CLIP4: variants seen among roughly 807,000 people sequenced by gnomAD.
CLIP4 encodes the protein CAP-Gly domain-containing linker protein 4.
Under a neutral mutation model 73.1 loss-of-function variants are expected in CLIP4, and 47 were observed. The observed-to-expected ratio is 0.64, with a 90% CI of 0.51 to 0.82. CLIP4 has a LOEUF of 0.82. CLIP4 is among the 40% of genes least tolerant of loss of function. The pLI is 0.00. For synonymous variants in CLIP4, 306 were observed against 295.4 expected, an observed-to-expected ratio of 1.04 and a Z score of -0.37; for missense variants, 874 against 852.9, an observed-to-expected ratio of 1.02 and a Z score of -0.31.
intron 1 of CLIP4, among the ~76,000 whole-genome samples, chr2:29,110,354 G>A (rs2148441549): frequency 6.6e-6 from 1 of 152,340 alleles, no homozygotes; most frequent in South Asian, 2.1e-4. Flanking sequence ...GGGGTCTCCA[G>A]TGGCTACTGA....
chr2:29,149,464 T>C (rs1404835941), intron 8 of CLIP4, among the ~76,000 whole-genome samples: 1 of 151,658 alleles, frequency 6.6e-6, no homozygotes, highest in Admixed American at 6.6e-5. Flanking sequence ...ACCGATATTT[T>C]AGTGGGGGTT....
chr2:29,180,985 TGAGTGCAGGGGTTAG>T (rs1668613270), intron 15 of CLIP4, among the ~76,000 whole-genome samples: 1 of 152,070 alleles, frequency 6.6e-6, no homozygotes, highest in South Asian at 2.1e-4. Flanking sequence ...CTTTGAGTAA[TGAGTGCAGGGGTTAG>T]GAGTGCCATC....
rs987394703 is a variant in CLIP4 at position 29,180,434 on chromosome 2, C to T, written c.1797-1138C>T. ...GAGTGCTAGGAGACGTTCTTGCACA[C>T]TGTAAGGAATGTTATGTTGTAGGGA... On this transcript the variant is annotated intron_variant, in intron 15 of 15. Transcript: ENST00000320081. Among the ~76,000 whole-genome samples, 4 of 152,112 alleles carry T rather than the reference C, an allele frequency of 2.6e-5. No individual in the cohort carries two copies. The East Asian group carries it at 7.7e-4, about 29-fold the overall frequency.
chr2:29,155,215 T>C (rs1300994068), intron 9 of CLIP4, among the ~76,000 whole-genome samples: 2 of 152,200 alleles, frequency 1.3e-5, no homozygotes, highest in Non-Finnish European at 2.9e-5. Context: ...GGAGGATCAC[T>C]TGAGTCCAGG....
At position 29,131,224 on chromosome 2, in the gene CLIP4, T is replaced by C. The variant is rs765499141; in HGVS notation, c.134-34T>C. The C allele has an allele frequency of 4.0e-6, 6 of 1,493,494 alleles. No homozygotes were observed. In the Admixed American group the frequency reaches 1.1e-4, roughly 28 times the overall value. 92.5% of individuals were successfully genotyped at this position (1,493,494 alleles called of 1,614,324 possible). On this transcript the variant is annotated intron_variant, in intron 2 of 15. Coordinates refer to ENST00000320081, the MANE Select transcript of CLIP4 (RefSeq NM_024692.6). The stretch of plus-strand genomic sequence containing the variant: ...TTTCAATATATTTATTTGAAACTTT[T>C]AGTAAATTTAATTTGCATCTTTTTT...
intron 13 of CLIP4, among the ~76,000 whole-genome samples, chr2:29,164,481 T>C (rs1667479827): frequency 6.6e-6 from 1 of 152,210 alleles, no homozygotes; most frequent in African/African-American, 2.4e-5. Context: ...CTTCTTAAGA[T>C]AGTATCTTTC....
rs34819898 is a variant in CLIP4 at position 29,106,056 on chromosome 2, C to CTTTTTTT, written c.-16+8117_-16+8123dup. Among the ~76,000 whole-genome samples the CTTTTTTT allele has an allele frequency of 2.1e-4, 31 of 144,966 alleles. No individual in the cohort carries two copies. In the South Asian group the frequency reaches 3.3e-3, roughly 15 times the overall value. ...AAGGTATCATGGTTTAGCATTTAAT[C>CTTTTTTT]TTTTTTTTTTTTTTGAGACAGCATT... On this transcript the variant is annotated intron_variant, in intron 1 of 14. Coordinates refer to the CLIP4 transcript ENST00000401605.
chr2:29,174,468 A>G, intron 15 of CLIP4, 23 bp downstream of exon 15: 1 of 1,603,362 alleles, frequency 6.2e-7, no homozygotes, highest in Non-Finnish European at 8.5e-7. Context: ...AAGATTTAGA[A>G]AAACACCTTT....
intron 6 of CLIP4, among the ~76,000 whole-genome samples, chr2:29,136,186 TTG>T: frequency 8.0e-6 from 1 of 124,976 alleles, no homozygotes. Context: ...TTTGTTGTTG[TTG>T]TTTTTTTTTT....
chr2:29,160,590 A>G (rs1667222954), intron 12 of CLIP4, 123 bp downstream of exon 12: 5 of 1,052,084 alleles, frequency 4.8e-6, no homozygotes, highest in East Asian at 2.6e-5. Flanking sequence ...GATGGCAGCT[A>G]TAGTACAGAA....
chr2:29,174,992 C>T (rs2148108272), intron 15 of CLIP4, among the ~76,000 whole-genome samples: 1 of 152,220 alleles, frequency 6.6e-6, no homozygotes, highest in Admixed American at 6.5e-5. Context: ...AGCATTTTCA[C>T]TTTAGAGCAA....
intron 13 of CLIP4, among the ~76,000 whole-genome samples, chr2:29,166,345 T>A (rs1169230335): frequency 2.0e-5 from 3 of 152,128 alleles, no homozygotes; most frequent in East Asian, 3.9e-4. Flanking sequence ...TTGTAAAATG[T>A]GCTTCCTATC....
upstream of CLIP4, among the ~76,000 whole-genome samples, chr2:29,114,538 G>A (rs1668472339): frequency 6.6e-6 from 1 of 152,202 alleles, no homozygotes; most frequent in Non-Finnish European, 1.5e-5. Context: ...TGTTAGTGGA[G>A]GTGTTCAACC....
At chr2:29,107,363 T>TTTTTTG (rs1668245277) in intron 1 of CLIP4, among the ~76,000 whole-genome samples, 1 of 79,396 alleles carries the variant, frequency 1.3e-5, no homozygotes, top group East Asian at 3.5e-4. Flanking sequence ...TGATAGTTTT[T>TTTTTTG]TTTTTTTTTT....
intron 1 of CLIP4, among the ~76,000 whole-genome samples, chr2:29,118,740 G>C (rs189071999): frequency 2.0e-5 from 3 of 152,066 alleles, no homozygotes; most frequent in East Asian, 1.9e-4. Context: ...GGCTGGTCTC[G>C]AATGCCTGAC....
chr2:29,167,675 C>T, intron 14 of CLIP4, 135 bp downstream of exon 14: 1 of 552,382 alleles, frequency 1.8e-6, no homozygotes, highest in Non-Finnish European at 3.0e-6. Context: ...ATAGAACAAA[C>T]ATCTGTTACC....
At chr2:29,148,603 C>T (rs1407942818) in intron 8 of CLIP4, among the ~76,000 whole-genome samples, 1 of 152,160 alleles carries the variant, frequency 6.6e-6, no homozygotes, top group Non-Finnish European at 1.5e-5. Context: ...CTCCTTAGAA[C>T]TAGGCAAGAA....
intron 8 of CLIP4, among the ~76,000 whole-genome samples, chr2:29,149,622 A>G (rs1395453724): frequency 6.6e-6 from 1 of 151,902 alleles, no homozygotes; most frequent in East Asian, 1.9e-4. Context: ...AAGTCCTATC[A>G]ATACTTCAGT....
At chr2:29,156,620 T>G (rs1247495671) in intron 10 of CLIP4, among the ~76,000 whole-genome samples, 177 bp downstream of exon 10, 2 of 152,206 alleles carry the variant, frequency 1.3e-5, no homozygotes, top group Non-Finnish European at 2.9e-5. Context: ...TACATTATAT[T>G]TTTTGTGTGT....
Sources: gnomAD v4.1 joint callset for allele counts (sites outside exome capture counted in the v4.1 genomes callset) on GRCh38, gnomAD v4.1.1 for gene constraint, MANE v1.5 for transcripts, NCBI Gene and HGNC (gene_info 2026-07-23, HGNC 2026-07-21) for gene names.